LPAR3: variants seen among roughly 807,000 people sequenced by gnomAD.
LPAR3 encodes lysophosphatidic acid receptor 3, also known as LPA receptor 3.
In LPAR3, 7 loss-of-function variants were observed where a neutral mutation model predicts 17.8. The observed-to-expected ratio is 0.39, with a 90% CI of 0.22 to 0.74. LPAR3 has a LOEUF of 0.74. LPAR3 is among the 30% of genes least tolerant of loss of function. The pLI is 0.40. For synonymous variants in LPAR3, 179 were observed against 179.9 expected, an observed-to-expected ratio of 0.99 and a Z score of 0.04; for missense variants, 391 against 453.4, an observed-to-expected ratio of 0.86 and a Z score of 1.25.
At chr1:84,838,173 G>A (rs766445850) in intron 2 of LPAR3, among the ~76,000 whole-genome samples, 12 of 152,128 alleles carry the variant, frequency 7.9e-5, no homozygotes, top group Non-Finnish European at 1.6e-4. Flanking sequence ...GGATCCTTGC[G>A]GCAAAAGGTA....
chr1:84,880,718 T>C (rs1219637618), intron 1 of LPAR3, among the ~76,000 whole-genome samples: 1 of 152,200 alleles, frequency 6.6e-6, no homozygotes, highest in African/African-American at 2.4e-5. Context: ...CTATCAAGTT[T>C]ATAAGGAATT....
intron 1 of LPAR3, among the ~76,000 whole-genome samples, chr1:84,892,096 C>G (rs1230988613): frequency 6.6e-6 from 1 of 151,732 alleles, no homozygotes; most frequent in African/African-American, 2.4e-5. Context: ...GCCTGCAATC[C>G]CAGCTACTAG....
At chr1:84,889,738 A>G (rs959036071) in intron 1 of LPAR3, among the ~76,000 whole-genome samples, 1 of 152,218 alleles carries the variant, frequency 6.6e-6, no homozygotes, top group Admixed American at 6.5e-5. Flanking sequence ...GCTTGTGGAG[A>G]TACTGCCAAC....
At chr1:84,871,758 T>C (rs1660161723) in intron 1 of LPAR3, among the ~76,000 whole-genome samples, 1 of 152,222 alleles carries the variant, frequency 6.6e-6, no homozygotes, top group Non-Finnish European at 1.5e-5. Flanking sequence ...AGGTTCATTT[T>C]AGCCATAGTT....
At chr1:84,826,840 A>C (rs1659165880) in intron 2 of LPAR3, among the ~76,000 whole-genome samples, 1 of 152,058 alleles carries the variant, frequency 6.6e-6, no homozygotes. Context: ...TGTTCTCTTA[A>C]TTTTTTGCCA....
rs10694416 is a variant in LPAR3, at chr1:84,813,269, T to TTAAG, written c.*573_*576dup. 0.74 allele frequency: 110,272 copies of TTAAG among 149,352 alleles called. 40,819 individuals carry two copies. Among genetic ancestry groups the TTAAG allele is most frequent in the African/African-American group, 0.8 (32,183 of 40,394 alleles). 9.3% of individuals were successfully genotyped at this position (149,352 alleles called of 1,614,324 possible). A position where few individuals can be genotyped will look rare whatever the true frequency, so the allele number is the denominator to read the frequency against. On this transcript the variant is annotated 3_prime_UTR_variant, in exon 3 of 3. Transcript: ENST00000370611. The stretch of plus-strand genomic sequence containing the variant: ...GTTTTCACATTGACCTTTTTTACTT[T>TTAAG]TAAGTATTTTTCCTCAGAATGTTCC...
chr1:84,857,146 C>G (rs889381228), intron 2 of LPAR3, among the ~76,000 whole-genome samples: 1 of 152,154 alleles, frequency 6.6e-6, no homozygotes, highest in South Asian at 2.1e-4. Flanking sequence ...ATGGCACCAA[C>G]AGTAGGCTTC....
chr1:84,852,134 T>C (rs1557599264), intron 2 of LPAR3, among the ~76,000 whole-genome samples: 1 of 151,446 alleles, frequency 6.6e-6, no homozygotes, highest in Non-Finnish European at 1.5e-5. Context: ...CACTGCAACT[T>C]CTGCCTCCTG....
At chr1:84,869,980 T>C (rs1660128375) in intron 1 of LPAR3, among the ~76,000 whole-genome samples, 2 of 152,180 alleles carry the variant, frequency 1.3e-5, no homozygotes, top group South Asian at 4.1e-4. Context: ...CTATAAAACA[T>C]TGCCTAATGC....
At chr1:84,824,082 G>A (rs1322329037) in intron 2 of LPAR3, among the ~76,000 whole-genome samples, 2 of 152,160 alleles carry the variant, frequency 1.3e-5, no homozygotes, top group Non-Finnish European at 2.9e-5. Flanking sequence ...TATAAGAGAT[G>A]TCTCTAATGG....
intron 2 of LPAR3, among the ~76,000 whole-genome samples, chr1:84,853,280 G>A (rs574160259): frequency 3.9e-5 from 6 of 152,280 alleles, no homozygotes; most frequent in African/African-American, 1.4e-4. Context: ...CTGGCTGGAA[G>A]GAATGAGCCC....
At chr1:84,818,354 C>G (rs1299222854) in intron 2 of LPAR3, among the ~76,000 whole-genome samples, 1 of 152,064 alleles carries the variant, frequency 6.6e-6, no homozygotes, top group African/African-American at 2.4e-5. Flanking sequence ...AAGATTAATT[C>G]AAAACAGAGT....
intron 2 of LPAR3, among the ~76,000 whole-genome samples, chr1:84,827,909 T>C (rs1025326420): frequency 6.6e-6 from 1 of 152,158 alleles, no homozygotes; most frequent in Non-Finnish European, 1.5e-5. Context: ...GGGCTAATTT[T>C]AAGAATTCAT....
At chr1:84,834,284 T>C (rs1659351385) in intron 2 of LPAR3, among the ~76,000 whole-genome samples, 1 of 152,168 alleles carries the variant, frequency 6.6e-6, no homozygotes, top group African/African-American at 2.4e-5. Context: ...TATTTATTAA[T>C]GAGTAAATGA....
At chr1:84,845,536 G>T (rs557760776) in intron 2 of LPAR3, among the ~76,000 whole-genome samples, 1 of 152,174 alleles carries the variant, frequency 6.6e-6, no homozygotes, top group African/African-American at 2.4e-5. Flanking sequence ...TTATAGTCAG[G>T]AGCAGTAATA....
intron 1 of LPAR3, among the ~76,000 whole-genome samples, chr1:84,868,903 C>T (rs1660105368): frequency 1.3e-5 from 2 of 152,044 alleles, no homozygotes; most frequent in South Asian, 4.2e-4. Flanking sequence ...GACTAAGACA[C>T]CACATGGGAA....
chr1:84,887,718 A>C (rs909068269), intron 1 of LPAR3, among the ~76,000 whole-genome samples: 1 of 152,194 alleles, frequency 6.6e-6, no homozygotes, highest in Non-Finnish European at 1.5e-5. Flanking sequence ...TCATTTCTGA[A>C]GGATTCCTGC....
chr1:84,864,179 T>C (rs1397201559), intron 2 of LPAR3, among the ~76,000 whole-genome samples: 1 of 150,528 alleles, frequency 6.6e-6, no homozygotes, highest in Non-Finnish European at 1.5e-5. Flanking sequence ...ACCACTGCAC[T>C]ATAGCCTAGA....
intron 2 of LPAR3, among the ~76,000 whole-genome samples, chr1:84,827,109 A>G (rs1170822898): frequency 6.6e-6 from 1 of 152,218 alleles, no homozygotes; most frequent in African/African-American, 2.4e-5. Flanking sequence ...TCAACGGTAA[A>G]ACCACAACAT....
Sources: allele counts gnomAD v4.1 joint callset (sites outside exome capture counted in the v4.1 genomes callset), GRCh38; gene constraint gnomAD v4.1.1; transcripts MANE v1.5; gene names NCBI Gene and HGNC (gene_info 2026-07-23, HGNC 2026-07-21).